Variants in DSCAML1 observed in about 807,000 individuals in gnomAD.
The protein encoded by DSCAML1 is cell adhesion molecule DSCAML1.
DSCAML1 carries 38 observed loss-of-function variants against 200.5 expected under a neutral mutation model. The ratio of observed to expected loss-of-function variants is 0.19; its 90% confidence interval spans 0.15 to 0.25. The LOEUF is 0.25. Ranked by LOEUF, DSCAML1 falls within the 10% of genes least tolerant of loss-of-function variation. The pLI is 1.00. For missense variants in DSCAML1, 2,223 were observed against 2,858.8 expected, an observed-to-expected ratio of 0.78 and a Z score of 5.07; for synonymous variants, 1,215 against 1,165.0, an observed-to-expected ratio of 1.04 and a Z score of -0.87.
intron 19 of DSCAML1, among the ~76,000 whole-genome samples, chr11:117,453,418 T>C (rs1025267045): frequency 2.6e-5 from 4 of 152,238 alleles, no homozygotes; most frequent in Non-Finnish European, 5.9e-5. Flanking sequence ...CTGGTATTTC[T>C]CTAGGGCAGG....
At chr11:117,710,239 AT>A (rs931295135) in intron 3 of DSCAML1, among the ~76,000 whole-genome samples, 1 of 152,222 alleles carries the variant, frequency 6.6e-6, no homozygotes, top group Non-Finnish European at 1.5e-5. Flanking sequence ...GTAATTTCAG[AT>A]TAATTAAAGC....
At position 117,521,303 on chromosome 11, in the gene DSCAML1, C is replaced by T. The variant is rs759795586; in HGVS notation, c.1040G>A (p.Arg347His). ...ALTGSPEFTI[R>H]WYRNTELVLP... ...CACCAGCTCCGTGTTGCGATACCAG[C>T]GGATGGTGAACTCTGGGGAGCCCGT... The change falls in exon 6 of 33, where the codon CGC becomes CAC. Residue 347 changes from arginine to histidine, a missense_variant. By Grantham distance (29) the Arg-to-His change is conservative. Transcript: ENST00000651296. 7 of 1,614,088 alleles carry T rather than the reference C, an allele frequency of 4.3e-6. No homozygotes were observed. Among genetic ancestry groups the T allele is most frequent in the Non-Finnish European group, 4.2e-6 (5 of 1,180,044 alleles).
intron 3 of DSCAML1, among the ~76,000 whole-genome samples, chr11:117,584,038 T>C (rs997277164): frequency 2.6e-5 from 4 of 152,178 alleles, no homozygotes; most frequent in Non-Finnish European, 5.9e-5. Context: ...GTCTGCTTTG[T>C]GGAGATTTTC....
intron 3 of DSCAML1, among the ~76,000 whole-genome samples, chr11:117,609,731 T>C (rs1458623571): frequency 6.6e-6 from 1 of 152,254 alleles, no homozygotes; most frequent in Non-Finnish European, 1.5e-5. Context: ...AAGAACATTA[T>C]ATTTTAAGGA....
At chr11:117,691,678 G>A (rs191037825) in intron 3 of DSCAML1, among the ~76,000 whole-genome samples, 2 of 152,274 alleles carry the variant, frequency 1.3e-5, no homozygotes, top group Admixed American at 6.5e-5. Flanking sequence ...TATCTTGGAC[G>A]ACAAGTGTGT....
At chr11:117,619,226 C>G (rs683842) in intron 3 of DSCAML1, among the ~76,000 whole-genome samples, 122,207 of 152,222 alleles carry the variant, frequency 0.8, 49,231 homozygotes, top group Admixed American at 0.86. Flanking sequence ...CTTTCTCTAT[C>G]CAACCTGGTC....
rs1429321719 is a variant in DSCAML1 at position 117,516,154 on chromosome 11, C to G, written c.1783+313G>C. ...ACAGCAGAGGCCCCATGCAGCCCAT[C>G]TCTGACCTGGCCTCTCTCCCAGAAG... is the stretch of plus-strand genomic sequence containing the variant. On this transcript the variant is annotated intron_variant, in intron 8 of 32. Coordinates refer to ENST00000651296, the MANE Select transcript of DSCAML1 (RefSeq NM_020693.4). This position sits in a 1 kb window ranked among gnomAD's most constrained non-coding sequence, Gnocchi z 5.7. 6.6e-6 allele frequency among the ~76,000 whole-genome samples: 1 copy of G among 152,332 alleles called. No homozygotes were observed. The highest frequency in any genetic ancestry group is 1.9e-4 in the East Asian group (1 of 5,158).
chr11:117,651,706 T>C, intron 3 of DSCAML1, among the ~76,000 whole-genome samples: 1 of 108,456 alleles, frequency 9.2e-6, no homozygotes, highest in Non-Finnish European at 1.7e-5. Flanking sequence ...AGCAAGACTC[T>C]GTCTCAAAAA....
At chr11:117,751,710 C>G (rs577133648) in intron 3 of DSCAML1, among the ~76,000 whole-genome samples, 1 of 152,220 alleles carries the variant, frequency 6.6e-6, no homozygotes, top group Admixed American at 6.5e-5. Context: ...AGAAAGCCAC[C>G]TGGGGGAAAA....
chr11:117,750,747 C>G lies in DSCAML1; in HGVS notation c.511+26044G>C, dbSNP rs897056287. ...GTGCCACCACTAACTGCTGTGTGAC[C>G]TTGAGCAAATAAGCAGAGCCACATA... On this transcript the variant is annotated intron_variant, in intron 3 of 32. Transcript: ENST00000651296. Among the ~76,000 whole-genome samples the G allele has an allele frequency of 2.6e-5, 4 of 152,332 alleles. 1 individual carries two copies. The highest frequency in any genetic ancestry group is 1.3e-4 in the Admixed American group (2 of 15,304).
intron 11 of DSCAML1, among the ~76,000 whole-genome samples, chr11:117,486,314 G>A (rs1291064143): frequency 2.6e-5 from 4 of 151,596 alleles, no homozygotes; most frequent in Non-Finnish European, 1.5e-5. Flanking sequence ...AGTAGTGGAT[G>A]TGAAAGTAGC....
At chr11:117,430,700 G>A (rs1412729466) in intron 32 of DSCAML1, 22 bp downstream of exon 32, 1 of 1,593,086 alleles carries the variant, frequency 6.3e-7, no homozygotes. Flanking sequence ...GGCACTGCCT[G>A]GGAGGTGGTC....
At chr11:117,645,024 G>A (rs12292006) in intron 3 of DSCAML1, among the ~76,000 whole-genome samples, 2,834 of 152,358 alleles carry the variant, frequency 0.019, 80 homozygotes, top group African/African-American at 0.062. Context: ...CACGCTCCCC[G>A]AGGTGGGATG....
intron 3 of DSCAML1, among the ~76,000 whole-genome samples, chr11:117,665,019 G>A (rs1854620775): frequency 6.6e-6 from 1 of 150,586 alleles, no homozygotes; most frequent in African/African-American, 2.5e-5. Context: ...ACTTTGCCAT[G>A]CTTGTTGGTA....
At chr11:117,502,084 T>G (rs1264814161) in intron 11 of DSCAML1, among the ~76,000 whole-genome samples, 1 of 152,166 alleles carries the variant, frequency 6.6e-6, no homozygotes, top group East Asian at 1.9e-4. Context: ...TCAGAGCACT[T>G]TGCAGTTGCT....
At chr11:117,473,535 G>GT (rs1169038670) in intron 14 of DSCAML1, among the ~76,000 whole-genome samples, 1 of 151,972 alleles carries the variant, frequency 6.6e-6, no homozygotes, top group Non-Finnish European at 1.5e-5. Context: ...ACAGAAAAAC[G>GT]TAATGCCTGA....
chr11:117,656,496 C>CATCTATCT (rs71469141), intron 3 of DSCAML1, among the ~76,000 whole-genome samples: 13,075 of 147,300 alleles, frequency 0.089, 579 homozygotes, highest in East Asian at 0.15. Flanking sequence ...TTACCTAAAT[C>CATCTATCT]ATCTATCTAT....
At chr11:117,565,712 T>A (rs763677725) in intron 3 of DSCAML1, among the ~76,000 whole-genome samples, 5 of 152,090 alleles carry the variant, frequency 3.3e-5, no homozygotes, top group Admixed American at 6.6e-5. Flanking sequence ...GGTGTTTTTT[T>A]CCCCCTCTCC....
intron 3 of DSCAML1, among the ~76,000 whole-genome samples, chr11:117,707,028 C>G (rs2053769942): frequency 6.6e-6 from 1 of 152,114 alleles, no homozygotes; most frequent in East Asian, 1.9e-4. Context: ...GAATCTAGTT[C>G]CCTTCGTACT....
Sources: allele counts gnomAD v4.1 joint callset (sites outside exome capture counted in the v4.1 genomes callset), GRCh38; gene constraint gnomAD v4.1.1; non-coding constraint Gnocchi (gnomAD v3.1); transcripts MANE v1.5; gene names NCBI Gene and HGNC (gene_info 2026-07-23, HGNC 2026-07-21).